The following RPTOR variants were observed in gnomAD, a reference collection of about 807,000 sequenced individuals.
RPTOR encodes regulatory associated protein of MTOR complex 1.
RPTOR carries 21 observed loss-of-function variants against 169.9 expected under a neutral mutation model. The observed-to-expected ratio is 0.12, with a 90% CI of 0.09 to 0.18. The LOEUF (loss-of-function observed/expected upper bound fraction) is 0.18, where lower values mean the gene tolerates loss of function less well. RPTOR is among the 10% of genes least tolerant of loss of function. The pLI is 1.00. For missense variants in RPTOR, 1,133 were observed against 1,855.9 expected (o/e 0.61, Z 7.16); for synonymous variants, 732 against 753.2 (o/e 0.97, Z 0.46).
At chr17:80,810,208 C>T (rs891955800) in intron 7 of RPTOR, among the ~76,000 whole-genome samples, 3 of 152,014 alleles carry the variant, frequency 2.0e-5, no homozygotes, top group Admixed American at 6.5e-5. Context: ...TGCCAACCCT[C>T]GGGTTGTGAA....
At position 80,962,567 on chromosome 17, in the gene RPTOR, C is replaced by G; in HGVS notation, c.3799C>G (p.Leu1267Val). ...TALDIHPQAD[L>V]IACGSVNQFT... ...CCTGGACATCCACCCCCAGGCGGACCTGATCGCATGGTAGGCGCCACCCAC... is the reference window on the plus strand; with the variant it reads ...CCTGGACATCCACCCCCAGGCGGACGTGATCGCATGGTAGGCGCCACCCAC... The change falls in exon 32 of 34, where the codon CTG becomes GTG. Residue 1267 changes from leucine (L) to valine (V), a missense_variant. By Grantham distance (32) the Leu-to-Val change is conservative (BLOSUM62 1). This residue lies in a region of RPTOR where 410 missense variants were observed against 623.7 expected (regional missense o/e 0.66). Coordinates refer to ENST00000306801, the MANE Select transcript of RPTOR (RefSeq NM_020761.3). The G allele has an allele frequency of 1.2e-6, 2 of 1,613,192 alleles. No individual in the cohort carries two copies. The highest frequency in any genetic ancestry group is 1.7e-6 in the Non-Finnish European group (2 of 1,179,630).
intron 20 of RPTOR, among the ~76,000 whole-genome samples, chr17:80,896,366 C>CCCAACACCCCACACGGCCGCG (rs2068399635): frequency 2.2e-4 from 5 of 22,310 alleles, no homozygotes; most frequent in Non-Finnish European, 3.6e-4. Flanking sequence ...ACACAGCCGC[C>CCCAACACCCCACACGGCCGCG]CCGACACCCC....
Position 80,927,764 on chromosome 17 carries a change from C to T in RPTOR, c.2919+2284C>T, listed in dbSNP as rs539681313. ...TCTGTGTGTGTGTGTCTATTTGTTCCGGTGTGTGCAAGCCCCAAGCCAGCG... is the reference window on the plus strand; with the variant it reads ...TCTGTGTGTGTGTGTCTATTTGTTCTGGTGTGTGCAAGCCCCAAGCCAGCG... On this transcript the variant is annotated intron_variant, in intron 24 of 33. Coordinates refer to ENST00000306801, the MANE Select transcript of RPTOR (RefSeq NM_020761.3). Among the ~76,000 whole-genome samples, 640 of 149,146 alleles carry T rather than the reference C, an allele frequency of 4.3e-3. 1 individual carries two copies. The highest frequency in any genetic ancestry group is 6.8e-3 in the Non-Finnish European group (462 of 67,526).
rs1339162712 is a variant in RPTOR at position 80,685,622 on chromosome 17, TATA to T, written c.349-22218_349-22216del. ...ATTTCCATATATATATATATATATATATATATTTTTTTTTTTTTTTTTTTTTTT... is the reference window on the plus strand; with the variant it reads ...ATTTCCATATATATATATATATATATTATTTTTTTTTTTTTTTTTTTTTTT... On this transcript the variant is annotated intron_variant, in intron 3 of 33. Transcript: ENST00000306801. 9.4e-3 allele frequency among the ~76,000 whole-genome samples: 298 copies of T among 31,712 alleles called. 9 individuals are homozygous for T. Among genetic ancestry groups the T allele is most frequent in the Middle Eastern group, 0.068 (6 of 88 alleles). 20.8% of individuals were successfully genotyped at this position (31,712 alleles called of 152,430 possible).
intron 3 of RPTOR, among the ~76,000 whole-genome samples, chr17:80,687,524 G>A (rs911222788): frequency 1.3e-5 from 2 of 152,326 alleles, no homozygotes; most frequent in East Asian, 1.9e-4. Flanking sequence ...GACTCATTCG[G>A]TGAGTGGGTC....
At chr17:80,869,740 T>C (rs1306445131) in intron 13 of RPTOR, among the ~76,000 whole-genome samples, 2 of 152,186 alleles carry the variant, frequency 1.3e-5, no homozygotes, top group Non-Finnish European at 2.9e-5. Context: ...TGGAAGCAAA[T>C]GTCCTTTTCC....
intron 10 of RPTOR, among the ~76,000 whole-genome samples, chr17:80,843,496 G>A (rs1417307851): frequency 6.6e-6 from 1 of 151,942 alleles, no homozygotes; most frequent in East Asian, 1.9e-4. Flanking sequence ...AGAAAGCTCG[G>A]GCTAATTGAC....
intron 3 of RPTOR, among the ~76,000 whole-genome samples, chr17:80,702,427 G>T (rs890683817): frequency 6.6e-6 from 1 of 152,066 alleles, no homozygotes; most frequent in Non-Finnish European, 1.5e-5. Context: ...AGAAATTGTC[G>T]TAACTCCCCC....
rs2066536611 is a variant in RPTOR, at chr17:80,744,343, C to CCCTGGTTACTAGCACTGT, written c.655-9662_655-9661insTTACTAGCACTGTCCTGG. 2.0e-5 allele frequency among the ~76,000 whole-genome samples: 2 copies of CCCTGGTTACTAGCACTGT among 101,814 alleles called. 1 individual carries two copies. 66.8% of individuals were successfully genotyped at this position (101,814 alleles called of 152,430 possible). On this transcript the variant is annotated intron_variant, in intron 5 of 33. Coordinates refer to ENST00000306801, the MANE Select transcript of RPTOR (RefSeq NM_020761.3). ...AGCACAGCCCTGGCTACTAGCACAG[C>CCCTGGTTACTAGCACTGT]CCTGGCTACTAGCACTGTCCTGGTT... is the stretch of plus-strand genomic sequence containing the variant.
In RPTOR at chr17:80,878,342, C is replaced by G. The variant is rs1013346572; in HGVS notation, c.1510-2073C>G. 6.6e-6 allele frequency among the ~76,000 whole-genome samples: 1 copy of G among 152,114 alleles called. No homozygotes were observed. The highest frequency in any genetic ancestry group is 1.5e-5 in the Non-Finnish European group (1 of 68,022). On this transcript the variant is annotated intron_variant, in intron 13 of 33. Transcript: ENST00000306801. This position sits in a 1 kb window ranked among gnomAD's most constrained non-coding sequence, Gnocchi z 4.1. Reference sequence around the variant, plus strand: ...GTGGTTTCATCTCTGACTCCACGACCTGAGCACAGATTTTTTTTTTTTGAG... The same window carrying G: ...GTGGTTTCATCTCTGACTCCACGACGTGAGCACAGATTTTTTTTTTTTGAG...
chr17:80,800,054 C>A (rs2067141256), intron 7 of RPTOR, among the ~76,000 whole-genome samples: 1 of 152,192 alleles, frequency 6.6e-6, no homozygotes, highest in Non-Finnish European at 1.5e-5. Context: ...GGCAGGTGGC[C>A]CCCTGGCCGA....
At chr17:80,548,527 G>A (rs1316365891) in intron 1 of RPTOR, among the ~76,000 whole-genome samples, 3 of 151,512 alleles carry the variant, frequency 2.0e-5, no homozygotes, top group Admixed American at 2.0e-4. Context: ...GATTACAGGC[G>A]CCTGGCTAGT....
At chr17:80,930,377 CCAGCT>C (rs1398610898) in intron 24 of RPTOR, among the ~76,000 whole-genome samples, 1 of 3,368 alleles carries the variant, frequency 3.0e-4, no homozygotes, top group African/African-American at 1.0e-3. Context: ...CAGCTCATCC[CCAGCT>C]CAGCTCAGCT....
rs187220058 is a variant in RPTOR at position 80,723,030 on chromosome 17, G to A, written c.508-7530G>A. ...GATGTCCCTCACTTTGGGTTTGTCT[G>A]ATGTGTTCTCATGATGAGATTGAGG... On this transcript the variant is annotated intron_variant, in intron 4 of 33. Coordinates refer to ENST00000306801, the MANE Select transcript of RPTOR (RefSeq NM_020761.3). Among the ~76,000 whole-genome samples the A allele has an allele frequency of 4.1e-4, 62 of 151,422 alleles. 5 individuals carry two copies. The highest frequency in any genetic ancestry group is 1.4e-3 in the African/African-American group (57 of 40,684).
At chr17:80,807,164 G>A (rs1055212985) in intron 7 of RPTOR, among the ~76,000 whole-genome samples, 1 of 152,064 alleles carries the variant, frequency 6.6e-6, no homozygotes, top group African/African-American at 2.4e-5. Context: ...ATCTCTTTTT[G>A]GCAATATAGT....
chr17:80,578,926 C>T (rs2064989703), intron 1 of RPTOR, among the ~76,000 whole-genome samples: 1 of 152,184 alleles, frequency 6.6e-6, no homozygotes, highest in Non-Finnish European at 1.5e-5. Context: ...GCCTGCCAGC[C>T]TCCCTGGAGG....
chr17:80,606,780 G>GCCATCCATCCAT (rs138907285), intron 1 of RPTOR, among the ~76,000 whole-genome samples: 1 of 151,510 alleles, frequency 6.6e-6, no homozygotes, highest in African/African-American at 2.4e-5. Flanking sequence ...CTTCCGTCTG[G>GCCATCCATCCAT]CCATCCATCC....
At chr17:80,688,550 GT>G (rs5822365) in intron 3 of RPTOR, among the ~76,000 whole-genome samples, 14,650 of 152,258 alleles carry the variant, frequency 0.096, 770 homozygotes, top group Middle Eastern at 0.14. Context: ...CAGCCTCACA[GT>G]TGTGCTCAAA....
rs536514573 is a variant in RPTOR at position 80,708,862 on chromosome 17, G to C, written c.507+863G>C. On this transcript the variant is annotated intron_variant, in intron 4 of 33. Coordinates refer to ENST00000306801, the MANE Select transcript of RPTOR (RefSeq NM_020761.3). This position sits in a 1 kb window ranked among gnomAD's most constrained non-coding sequence, Gnocchi z 4.2. ...CACTGATTTGGAATCCAGCAAATCCGAGTCCCAGTTTCGGTTGTGCTGTCA... is the reference window on the plus strand; with the variant it reads ...CACTGATTTGGAATCCAGCAAATCCCAGTCCCAGTTTCGGTTGTGCTGTCA... 1 of 889,022 alleles carries C rather than the reference G, an allele frequency of 1.1e-6. No homozygotes were observed. The highest frequency in any genetic ancestry group is 5.2e-5 in the South Asian group (1 of 19,370). 55.1% of individuals were successfully genotyped at this position (889,022 alleles called of 1,614,324 possible).
Sources: allele counts gnomAD v4.1 joint callset (sites outside exome capture counted in the v4.1 genomes callset), GRCh38; gene constraint gnomAD v4.1.1; regional missense constraint gnomAD v4.1.1; non-coding constraint Gnocchi (gnomAD v3.1); transcripts MANE v1.5; gene names NCBI Gene and HGNC (gene_info 2026-07-23, HGNC 2026-07-21).